Variants in GABRB1 observed in about 807,000 individuals in gnomAD.
The protein encoded by GABRB1 is gamma-aminobutyric acid receptor subunit beta-1.
GABRB1 carries 17 observed loss-of-function variants against 51.6 expected under a neutral mutation model. The ratio of observed to expected loss-of-function variants is 0.33; its 90% CI spans 0.23 to 0.49. The LOEUF (loss-of-function observed/expected upper bound fraction) is 0.49, where lower values mean the gene tolerates loss of function less well. Ranked by LOEUF, GABRB1 falls within the 20% of genes least tolerant of loss-of-function variation. The pLI is 0.99. For synonymous variants in GABRB1, 247 were observed against 218.9 expected, an observed-to-expected ratio of 1.13 and a Z score of -1.14; for missense variants, 410 against 600.6, an observed-to-expected ratio of 0.68 and a Z score of 3.32.
rs191850355 is a variant in GABRB1 at position 47,392,686 on chromosome 4, A to G, written c.545-10632A>G. On this transcript the variant is annotated intron_variant, in intron 5 of 8. Coordinates refer to ENST00000295454, the MANE Select transcript of GABRB1 (RefSeq NM_000812.4). ...TCTTCAGCTAGCTCTTCCTAGGGGA[A>G]GTATCTAACATGAAGCCAGAGAGGC... 3.9e-5 allele frequency among the ~76,000 whole-genome samples: 6 copies of G among 152,292 alleles called. No homozygotes were observed. The East Asian group carries it at 1.2e-3, about 29-fold the overall frequency.
intron 7 of GABRB1, among the ~76,000 whole-genome samples, chr4:47,404,782 A>C (rs1385846643): frequency 2.0e-5 from 3 of 152,306 alleles, no homozygotes; most frequent in Non-Finnish European, 4.4e-5. Flanking sequence ...TTACTTGAAC[A>C]TGAGTATTGT....
chr4:47,149,108 T>C (rs1489205872), intron 3 of GABRB1, among the ~76,000 whole-genome samples: 2 of 151,942 alleles, frequency 1.3e-5, no homozygotes, highest in Non-Finnish European at 2.9e-5. Context: ...AAGGAAGATA[T>C]TAACTCCAAC....
At chr4:47,045,869 C>T (rs1299344956) in intron 3 of GABRB1, among the ~76,000 whole-genome samples, 1 of 152,064 alleles carries the variant, frequency 6.6e-6, no homozygotes, top group Admixed American at 6.6e-5. Context: ...ATTTATTCAA[C>T]ATTTACACTG....
rs60491631 is a variant in GABRB1, at chr4:47,396,598, A to C, written c.545-6720A>C. Among the ~76,000 whole-genome samples the C allele has an allele frequency of 9.0e-3, 1,369 of 152,284 alleles. 23 individuals carry two copies. The highest frequency in any genetic ancestry group is 0.031 in the African/African-American group (1,302 of 41,552). On this transcript the variant is annotated intron_variant, in intron 5 of 8. Transcript: ENST00000295454. ...TTTTATAGTTATATTCTCTAGACAG[A>C]TCTACAGTTTATTTAAGATTTACAA...
chr4:47,242,769 G>A (rs1721576179), intron 4 of GABRB1, among the ~76,000 whole-genome samples: 1 of 152,108 alleles, frequency 6.6e-6, no homozygotes, highest in South Asian at 2.1e-4. Context: ...TAAGTTCTTT[G>A]TAGATTCTGG....
chr4:47,228,837 T>A (rs1341749352), intron 4 of GABRB1, among the ~76,000 whole-genome samples: 1 of 152,130 alleles, frequency 6.6e-6, no homozygotes, highest in East Asian at 1.9e-4. Context: ...CTGGCTTCAC[T>A]TAACTGAAGA....
At chr4:47,220,762 CT>C (rs1720735997) in intron 4 of GABRB1, among the ~76,000 whole-genome samples, 1 of 151,954 alleles carries the variant, frequency 6.6e-6, no homozygotes, top group Non-Finnish European at 1.5e-5. Context: ...CATCACCCTC[CT>C]TTTGGGTTTC....
intron 4 of GABRB1, among the ~76,000 whole-genome samples, chr4:47,293,181 G>A (rs559078019): frequency 2.3e-4 from 35 of 152,128 alleles, no homozygotes; most frequent in African/African-American, 3.6e-4. Flanking sequence ...TGCTCTTGTC[G>A]CCCATGCTGG....
chr4:47,334,804 G>A (rs1052690575), intron 5 of GABRB1, among the ~76,000 whole-genome samples: 1 of 152,110 alleles, frequency 6.6e-6, no homozygotes, highest in African/African-American at 2.4e-5. Context: ...ACAGAATTCT[G>A]AAAAGCATTT....
intron 3 of GABRB1, among the ~76,000 whole-genome samples, chr4:47,123,780 T>G (rs1299723363): frequency 1.3e-5 from 1 of 79,984 alleles, no homozygotes; most frequent in Non-Finnish European, 2.2e-5. Flanking sequence ...ATATCATATA[T>G]TATTATATAT....
chr4:47,407,059 T>C (rs1728599836), intron 8 of GABRB1, 133 bp downstream of exon 8: 1 of 902,634 alleles, frequency 1.1e-6, no homozygotes, highest in African/African-American at 1.7e-5. Flanking sequence ...AGCCTTCATT[T>C]TACATATTCA....
At chr4:47,214,999 A>T (rs1720498874) in intron 4 of GABRB1, among the ~76,000 whole-genome samples, 1 of 152,102 alleles carries the variant, frequency 6.6e-6, no homozygotes, top group Admixed American at 6.6e-5. Flanking sequence ...CAATTTTATA[A>T]TAGGTTTGTT....
rs1578164115 is a variant in GABRB1 at position 47,426,104 on chromosome 4, T to G, written c.*86T>G. On this transcript the variant is annotated 3_prime_UTR_variant, in exon 9 of 9. Coordinates refer to ENST00000295454, the MANE Select transcript of GABRB1 (RefSeq NM_000812.4). Reference sequence around the variant, plus strand: ...GGTCCCCAACAGCGATACTGCTGTTTCTCGAGGTAAGAGATTCAGCCATCC... The same window carrying G: ...GGTCCCCAACAGCGATACTGCTGTTGCTCGAGGTAAGAGATTCAGCCATCC... 1 of 1,097,516 alleles carries G rather than the reference T, an allele frequency of 9.1e-7. No homozygotes were observed. Among genetic ancestry groups the G allele is most frequent in the East Asian group, 2.4e-5 (1 of 41,126 alleles). 68.0% of individuals were successfully genotyped at this position (1,097,516 alleles called of 1,614,324 possible). A position where few individuals can be genotyped will look rare whatever the true frequency, so the allele number is the denominator to read the frequency against.
intron 4 of GABRB1, among the ~76,000 whole-genome samples, chr4:47,294,271 G>C (rs2109926900): frequency 6.6e-6 from 1 of 152,332 alleles, no homozygotes; most frequent in African/African-American, 2.4e-5. Flanking sequence ...AGTGGGTGCA[G>C]TGCACTGTGC....
chr4:47,172,839 AC>A (rs1176318725), intron 4 of GABRB1, among the ~76,000 whole-genome samples: 1 of 151,868 alleles, frequency 6.6e-6, no homozygotes, highest in African/African-American at 2.4e-5. Context: ...ACGGAGTTTC[AC>A]CATGTTGGCC....
intron 3 of GABRB1, among the ~76,000 whole-genome samples, chr4:47,136,481 A>C (rs1190440639): frequency 6.6e-6 from 1 of 151,222 alleles, no homozygotes; most frequent in Non-Finnish European, 1.5e-5. Flanking sequence ...TTCTGGCTTA[A>C]GAAACAGGGG....
rs146753169 is a variant in GABRB1 at position 47,342,183 on chromosome 4, G to A, written c.544+21974G>A. On this transcript the variant is annotated intron_variant, in intron 5 of 8. Coordinates refer to ENST00000295454, the MANE Select transcript of GABRB1 (RefSeq NM_000812.4). ...TTACTTTTTCTTTTTTTCTCTATCT[G>A]AATCAGTCTTTAGAAAGGAAAGTTT... Among the ~76,000 whole-genome samples the A allele has an allele frequency of 2.2e-3, 331 of 151,946 alleles. 1 individual carries two copies. The highest frequency in any genetic ancestry group is 7.7e-3 in the African/African-American group (321 of 41,438).
intron 1 of GABRB1, among the ~76,000 whole-genome samples, chr4:47,005,406 G>A (rs1724359154): frequency 6.6e-6 from 1 of 151,912 alleles, no homozygotes; most frequent in Non-Finnish European, 1.5e-5. Flanking sequence ...CGACAGAGTG[G>A]GACTCCGTCT....
intron 7 of GABRB1, among the ~76,000 whole-genome samples, chr4:47,406,173 A>G (rs1333396774): frequency 6.6e-6 from 1 of 152,236 alleles, no homozygotes; most frequent in Non-Finnish European, 1.5e-5. Context: ...CAATCATTTT[A>G]AAATGCAATA....
Sources: gnomAD v4.1 joint callset for allele counts (sites outside exome capture counted in the v4.1 genomes callset) on GRCh38, gnomAD v4.1.1 for gene constraint, MANE v1.5 for transcripts, NCBI Gene and HGNC (gene_info 2026-07-23, HGNC 2026-07-21) for gene names.